MEP1A: variants seen among roughly 807,000 people sequenced by gnomAD.
MEP1A encodes the protein meprin A subunit alpha.
MEP1A carries 68 observed loss-of-function variants against 84.5 expected under a neutral mutation model. The ratio of observed to expected loss-of-function variants is 0.80; its 90% CI spans 0.66 to 0.98. MEP1A has a LOEUF of 0.98. MEP1A is among the 50% of genes least tolerant of loss of function. The pLI is 0.00. For synonymous variants in MEP1A, 337 were observed against 336.8 expected (o/e 1.00, Z -0.01); for missense variants, 887 against 919.9 (o/e 0.96, Z 0.46).
At chr6:46,826,536 TG>T in intron 9 of MEP1A, 33 bp downstream of exon 9, 2 of 1,441,268 alleles carry the variant, frequency 1.4e-6, no homozygotes, top group South Asian at 3.4e-5. Flanking sequence ...CACATTGATG[TG>T]GTTCACCAGG....
At chr6:46,814,127 T>C (rs1767572892) in intron 6 of MEP1A, among the ~76,000 whole-genome samples, 1 of 152,202 alleles carries the variant, frequency 6.6e-6, no homozygotes, top group Non-Finnish European at 1.5e-5. Context: ...TTTTCCTCAA[T>C]TATTCCCTCA....
At chr6:46,831,109 A>G (rs1172778553) in intron 10 of MEP1A, among the ~76,000 whole-genome samples, 1 of 152,174 alleles carries the variant, frequency 6.6e-6, no homozygotes, top group African/African-American at 2.4e-5. Context: ...TTCCCTGGGA[A>G]CACTGTATGA....
intron 5 of MEP1A, among the ~76,000 whole-genome samples, chr6:46,808,905 C>CT (rs1767424753): frequency 6.6e-6 from 1 of 152,016 alleles, no homozygotes; most frequent in African/African-American, 2.4e-5. Context: ...ACAAACCTCT[C>CT]TAAGTTCTGC....
At chr6:46,836,405 T>C (rs186192963) in intron 13 of MEP1A, among the ~76,000 whole-genome samples, 5 of 152,344 alleles carry the variant, frequency 3.3e-5, no homozygotes, top group Admixed American at 3.3e-4. Flanking sequence ...TTCTGAGTTC[T>C]TTTTAGTCTC....
chr6:46,820,203 T>C (rs1466715931), intron 7 of MEP1A, among the ~76,000 whole-genome samples: 1 of 152,182 alleles, frequency 6.6e-6, no homozygotes, highest in African/African-American at 2.4e-5. Context: ...TTATCTGAAA[T>C]AACACCCCAA....
At chr6:46,830,749 G>T (rs183520981) in intron 10 of MEP1A, among the ~76,000 whole-genome samples, 6 of 152,188 alleles carry the variant, frequency 3.9e-5, no homozygotes, top group African/African-American at 1.4e-4. Flanking sequence ...TGCCCAAATC[G>T]CCTATATCCA....
chr6:46,809,363 A>G, intron 5 of MEP1A, 57 bp from the exon 6 acceptor site: 5 of 1,082,882 alleles, frequency 4.6e-6, no homozygotes, highest in Non-Finnish European at 6.9e-6. Flanking sequence ...ACTATAAGTT[A>G]TAGATATTAT....
rs147691444 is a variant in MEP1A at position 46,798,943 on chromosome 6, T to C, written c.187-163T>C. 7.9e-5 allele frequency among the ~76,000 whole-genome samples: 12 copies of C among 152,350 alleles called. No individual in the cohort carries two copies. In the East Asian group the frequency reaches 2.1e-3, roughly 27 times the overall value. On this transcript the variant is annotated intron_variant, in intron 4 of 13. Coordinates refer to ENST00000230588, the MANE Select transcript of MEP1A (RefSeq NM_005588.3). ...TAATTTCTCTGATTTTTCCAAATTATCTCTCAAGGACTTCTATTGCTTTCA... is the reference window on the plus strand; with the variant it reads ...TAATTTCTCTGATTTTTCCAAATTACCTCTCAAGGACTTCTATTGCTTTCA...
intron 5 of MEP1A, among the ~76,000 whole-genome samples, chr6:46,808,286 G>A (rs1377015336): frequency 6.6e-6 from 1 of 151,984 alleles, no homozygotes. Context: ...TGTTATCTGT[G>A]TAGTTTCCAC....
intron 5 of MEP1A, among the ~76,000 whole-genome samples, chr6:46,807,776 AAAGAAAG>A (rs1767384690): frequency 6.4e-5 from 4 of 62,704 alleles, no homozygotes; most frequent in East Asian, 1.1e-3. Context: ...GAAAGGAAAG[AAAGAAAG>A]AAAGAAAGAA....
At chr6:46,843,059 A>G (rs1431541228), downstream of MEP1A, among the ~76,000 whole-genome samples, 1 of 152,192 alleles carries the variant, frequency 6.6e-6, no homozygotes. Flanking sequence ...ACATACAGTC[A>G]AATAATCTGA....
At chr6:46,798,480 A>G in intron 3 of MEP1A, 126 bp from the exon 4 acceptor site, 1 of 785,658 alleles carries the variant, frequency 1.3e-6, no homozygotes, top group South Asian at 1.6e-5. Context: ...ATTGTTTCAA[A>G]AAGTTTTGCC....
intron 7 of MEP1A, among the ~76,000 whole-genome samples, chr6:46,824,994 AGAT>A (rs1767892942): frequency 8.0e-6 from 1 of 124,582 alleles, no homozygotes; most frequent in African/African-American, 3.1e-5. Context: ...ATATTTAAAT[AGAT>A]CTATTTAAGT....
At chr6:46,795,998 A>T (rs9472864) in intron 3 of MEP1A, among the ~76,000 whole-genome samples, 3,906 of 152,228 alleles carry the variant, frequency 0.026, 159 homozygotes, top group African/African-American at 0.088. Flanking sequence ...TATGCACATC[A>T]GAGTGTGAGT....
chr6:46,842,191 CAT>C (rs200061530), downstream of MEP1A, among the ~76,000 whole-genome samples: 1,560 of 152,122 alleles, frequency 0.01, 29 homozygotes, highest in African/African-American at 0.035. Flanking sequence ...GATTGTAAAA[CAT>C]GTGTGTTTGA....
rs1374514822 is a variant in MEP1A at position 46,833,538 on chromosome 6, G to C, written c.1609G>C (p.Ala537Pro). The change falls in exon 11 of 14, where the codon GCG becomes CCG. Residue 537 changes from alanine to proline, a missense_variant and splice_region_variant. Ala to Pro is a conservative substitution (Grantham distance 27, BLOSUM62 -1). Transcript: ENST00000230588. ...TACCTCGAAGTCGCACACATCTCCA[G>C]GTGGGTGGTGTCAGCGCAAATAAGA... ...FTTSKSHTSPAINDTVIWDRP... is the reference protein window; with the variant it reads ...FTTSKSHTSPPINDTVIWDRP... The C allele has an allele frequency of 6.2e-7, 1 of 1,612,392 alleles. No individual in the cohort carries two copies. Among genetic ancestry groups the C allele is most frequent in the Non-Finnish European group, 8.5e-7 (1 of 1,178,782 alleles).
chr6:46,812,665 C>T (rs2150746501), intron 6 of MEP1A, among the ~76,000 whole-genome samples: 3 of 152,124 alleles, frequency 2.0e-5, no homozygotes, highest in Admixed American at 2.0e-4. Context: ...TAGGTTGTGT[C>T]ACTATTATCA....
intron 6 of MEP1A, among the ~76,000 whole-genome samples, chr6:46,814,160 A>G (rs1056981559): frequency 1.3e-5 from 2 of 151,880 alleles, no homozygotes; most frequent in African/African-American, 2.4e-5. Flanking sequence ...AAATATTTGG[A>G]TTTCTCCTTC....
chr6:46,800,133 C>T (rs995060097), intron 5 of MEP1A, among the ~76,000 whole-genome samples: 4 of 152,164 alleles, frequency 2.6e-5, no homozygotes, highest in Admixed American at 6.5e-5. Flanking sequence ...TGCAAATTCA[C>T]GGAACATCAA....
Sources: allele counts gnomAD v4.1 joint callset (sites outside exome capture counted in the v4.1 genomes callset), GRCh38; gene constraint gnomAD v4.1.1; transcripts MANE v1.5; gene names NCBI Gene and HGNC (gene_info 2026-07-23, HGNC 2026-07-21).